DLG2: variants seen among roughly 807,000 people sequenced by gnomAD.
DLG2 encodes the protein disks large homolog 2.
A neutral mutation model predicts 132.5 loss-of-function variants in DLG2; 45 were observed. That is an observed-to-expected ratio of 0.34 (90% CI 0.27 to 0.44). The LOEUF is 0.44. DLG2 is among the 20% of genes least tolerant of loss of function. The pLI is 1.00. For missense variants in DLG2, 1,045 were observed against 1,196.9 expected (o/e 0.87, Z 1.87); for synonymous variants, 424 against 419.6 (o/e 1.01, Z -0.13).
At chr11:84,252,045 T>C (rs890104039) in intron 7 of DLG2, among the ~76,000 whole-genome samples, 1 of 152,202 alleles carries the variant, frequency 6.6e-6, no homozygotes, top group Admixed American at 6.5e-5. Context: ...TCAAACTGCC[T>C]TTTGAGAGTA....
chr11:85,053,371 CA>C (rs1405592019), intron 6 of DLG2, among the ~76,000 whole-genome samples: 1 of 152,084 alleles, frequency 6.6e-6, no homozygotes, highest in Non-Finnish European at 1.5e-5. Flanking sequence ...GTCAACTAGG[CA>C]TAATTATACC....
chr11:83,678,803 T>C (rs1356542620), intron 18 of DLG2, among the ~76,000 whole-genome samples: 2 of 152,184 alleles, frequency 1.3e-5, no homozygotes, highest in African/African-American at 4.8e-5. Context: ...CTTTCAGAGC[T>C]TGCCTTGAAT....
chr11:84,905,325 A>C (rs149189925), intron 6 of DLG2, among the ~76,000 whole-genome samples: 108 of 152,334 alleles, frequency 7.1e-4, no homozygotes, highest in African/African-American at 2.5e-3. Flanking sequence ...CAAAACTCAA[A>C]GAATTTTGTA....
chr11:84,621,494 G>A (rs1004446374), intron 6 of DLG2, among the ~76,000 whole-genome samples: 7 of 152,172 alleles, frequency 4.6e-5, no homozygotes, highest in South Asian at 2.1e-4. Context: ...AAAAATAAAT[G>A]AGCCTCCCAT....
intron 17 of DLG2, among the ~76,000 whole-genome samples, chr11:83,829,561 G>T (rs1477071927): frequency 6.6e-6 from 1 of 152,068 alleles, no homozygotes; most frequent in Non-Finnish European, 1.5e-5. Context: ...GCCCCTGTAT[G>T]TCCAGTGCAA....
Position 83,813,720 on chromosome 11 carries a change from T to C in DLG2, c.1722+19894A>G, listed in dbSNP as rs117917046. ...TTTTCTAGGGCAACACAAATAAGTC[T>C]ACCTTCATTTCTGCAGAATGGTCTT... is the stretch of plus-strand genomic sequence containing the variant. On this transcript the variant is annotated intron_variant, in intron 17 of 27. Transcript: ENST00000376104. 2.1e-3 allele frequency among the ~76,000 whole-genome samples: 320 copies of C among 152,264 alleles called. 3 individuals are homozygous for C. Among genetic ancestry groups the C allele is most frequent in the East Asian group, 0.012 (63 of 5,176 alleles).
At chr11:84,893,250 A>G (rs2089695616) in intron 6 of DLG2, among the ~76,000 whole-genome samples, 1 of 152,134 alleles carries the variant, frequency 6.6e-6, no homozygotes, top group East Asian at 1.9e-4. Flanking sequence ...TCTGGTGCCT[A>G]AGCACCACCT....
intron 3 of DLG2, among the ~76,000 whole-genome samples, chr11:85,350,661 A>G (rs2152878768): frequency 6.6e-6 from 1 of 152,354 alleles, no homozygotes; most frequent in Middle Eastern, 3.4e-3. Flanking sequence ...TTTATTAAAT[A>G]GGCAATCCTT....
intron 8 of DLG2, among the ~76,000 whole-genome samples, chr11:84,236,343 C>T (rs1192794633): frequency 6.6e-6 from 1 of 152,236 alleles, no homozygotes; most frequent in African/African-American, 2.4e-5. Flanking sequence ...GAGAAAGCTT[C>T]TGGTGGACTT....
chr11:84,916,465 T>G (rs572648248), intron 6 of DLG2, among the ~76,000 whole-genome samples: 131 of 145,980 alleles, frequency 9.0e-4, no homozygotes, highest in African/African-American at 3.2e-3. Flanking sequence ...ACACCACACC[T>G]AAGGAGGACT....
intron 7 of DLG2, among the ~76,000 whole-genome samples, chr11:84,478,250 T>C (rs1055199219): frequency 2.0e-5 from 3 of 152,160 alleles, no homozygotes; most frequent in Admixed American, 1.3e-4. Flanking sequence ...CTTATATAAA[T>C]GAGATGATAC....
chr11:85,280,362 A>T (rs1030922238), intron 4 of DLG2, among the ~76,000 whole-genome samples: 6 of 152,032 alleles, frequency 3.9e-5, no homozygotes, highest in Admixed American at 1.3e-4. Context: ...CATTTTACAG[A>T]TTAAAAATCA....
intron 17 of DLG2, among the ~76,000 whole-genome samples, chr11:83,828,568 C>G (rs1420812480): frequency 6.6e-6 from 1 of 152,086 alleles, no homozygotes; most frequent in Non-Finnish European, 1.5e-5. Flanking sequence ...ATTGAAGAAG[C>G]CTGTACAAAT....
intron 6 of DLG2, among the ~76,000 whole-genome samples, chr11:84,853,748 C>A (rs1184494750): frequency 6.6e-6 from 1 of 151,938 alleles, no homozygotes; most frequent in Non-Finnish European, 1.5e-5. Context: ...CAAACCATTC[C>A]ACAATTAGCC....
chr11:85,422,426 C>G (rs1463658109), intron 3 of DLG2, among the ~76,000 whole-genome samples: 1 of 152,026 alleles, frequency 6.6e-6, no homozygotes, highest in Admixed American at 6.6e-5. Flanking sequence ...AATTTGAAGA[C>G]CTTGTCTTCA....
At chr11:83,768,031 T>C (rs375113710) in intron 18 of DLG2, among the ~76,000 whole-genome samples, 13 of 152,226 alleles carry the variant, frequency 8.5e-5, no homozygotes, top group African/African-American at 2.7e-4. Context: ...ATTTACTTTC[T>C]AGTGGCTCAT....
chr11:85,176,334 G>A (rs1016389140), intron 4 of DLG2, among the ~76,000 whole-genome samples: 5 of 152,008 alleles, frequency 3.3e-5, no homozygotes, highest in East Asian at 1.9e-4. Context: ...TCTGACCTTC[G>A]ACAAACCTGA....
intron 7 of DLG2, among the ~76,000 whole-genome samples, chr11:84,343,088 T>C (rs758348805): frequency 6.6e-6 from 1 of 152,194 alleles, no homozygotes. Context: ...TAGTGGCAAG[T>C]AATGTGGGAA....
chr11:84,481,016 G>A (rs2099136008), intron 7 of DLG2, among the ~76,000 whole-genome samples: 1 of 151,968 alleles, frequency 6.6e-6, no homozygotes, highest in Non-Finnish European at 1.5e-5. Context: ...TGGGATTACA[G>A]GTGTGAGCCA....
Sources: allele counts gnomAD v4.1 joint callset (sites outside exome capture counted in the v4.1 genomes callset), GRCh38; gene constraint gnomAD v4.1.1; transcripts MANE v1.5; gene names NCBI Gene and HGNC (gene_info 2026-07-23, HGNC 2026-07-21).